The following TM2D1 variants were observed in gnomAD, a reference collection of about 807,000 sequenced individuals.
TM2D1 encodes TM2 domain containing 1, also known as TM2 domain-containing protein 1.
A neutral mutation model predicts 28.4 loss-of-function variants in TM2D1; 15 were observed. The ratio of observed to expected loss-of-function variants is 0.53; its 90% CI spans 0.35 to 0.81. The LOEUF (loss-of-function observed/expected upper bound fraction) is 0.81. Among genes scored for constraint, TM2D1 ranks in the 40% least tolerant of loss-of-function variants. TM2D1 has a pLI of 0.01. For synonymous variants in TM2D1, 93 were observed against 96.2 expected, an observed-to-expected ratio of 0.97 and a Z score of 0.20; for missense variants, 236 against 254.9, an observed-to-expected ratio of 0.93 and a Z score of 0.50.
intron 5 of TM2D1, among the ~76,000 whole-genome samples, chr1:61,686,108 T>C (rs1644283642): frequency 6.6e-6 from 1 of 152,210 alleles, no homozygotes; most frequent in Non-Finnish European, 1.5e-5. Context: ...TAGAATCAAA[T>C]AATTTATTCC....
At chr1:61,686,943 C>A (rs1468761477) in intron 5 of TM2D1, 1 of 984,096 alleles carries the variant, frequency 1.0e-6, no homozygotes, top group Non-Finnish European at 1.2e-6. Flanking sequence ...AAGTAAATTA[C>A]CCCAATACTG....
chr1:61,686,891 C>A (rs1644289403), intron 5 of TM2D1: 5 of 954,426 alleles, frequency 5.2e-6, no homozygotes, highest in Non-Finnish European at 6.2e-6. Context: ...CCACTGCACT[C>A]CAGCCTGGGC....
chr1:61,713,757 G>C (rs1474449177), intron 2 of TM2D1, among the ~76,000 whole-genome samples: 1 of 152,080 alleles, frequency 6.6e-6, no homozygotes, highest in East Asian at 1.9e-4. Context: ...TAAAGAGACA[G>C]TTGCAATACA....
At chr1:61,720,491 C>T (rs1490582517) in intron 2 of TM2D1, among the ~76,000 whole-genome samples, 1 of 152,140 alleles carries the variant, frequency 6.6e-6, no homozygotes, top group South Asian at 2.1e-4. Flanking sequence ...ATCCGCACAC[C>T]TCAGCCTCCC....
At chr1:61,709,746 C>T (rs906102236) in intron 2 of TM2D1, among the ~76,000 whole-genome samples, 8 of 152,150 alleles carry the variant, frequency 5.3e-5, no homozygotes, top group African/African-American at 1.9e-4. Context: ...AACATTACTG[C>T]CCTTTACTTC....
At position 61,694,137 on chromosome 1, in the gene TM2D1, C is replaced by CT. The variant is rs548617147; in HGVS notation, c.513+559dup. 153 of 149,520 alleles carry CT rather than the reference C, an allele frequency of 1.0e-3. 3 individuals carry two copies. The highest frequency in any genetic ancestry group is 8.8e-3 in the East Asian group (45 of 5,112). The allele number at this position is 149,520 out of a possible 1,614,324, so 9.3% of individuals were successfully genotyped here. On this transcript the variant is annotated intron_variant, in intron 5 of 6. Transcript: ENST00000606498. ...ATTCTCAGATTTTCTAAAGAACGCC[C>CT]TTTTTTTTTTCTTTTTAGCTTAAGC...
chr1:61,684,646 G>A (rs535700091), intron 5 of TM2D1, among the ~76,000 whole-genome samples: 1 of 146,368 alleles, frequency 6.8e-6, no homozygotes, highest in South Asian at 2.3e-4. Flanking sequence ...TTTGCAACAT[G>A]TTTATGCTGT....
intron 2 of TM2D1, among the ~76,000 whole-genome samples, chr1:61,715,504 C>T (rs1644509868): frequency 6.6e-6 from 1 of 151,210 alleles, no homozygotes; most frequent in South Asian, 2.1e-4. Context: ...ACAAATTAGC[C>T]AGGCATGGTG....
intron 5 of TM2D1, 83 bp from the exon 6 acceptor site, chr1:61,683,629 A>T (rs1644263474): frequency 2.8e-6 from 2 of 722,744 alleles, no homozygotes; most frequent in Admixed American, 3.8e-5. Flanking sequence ...GTTGTTAATA[A>T]AAGTATTTCA....
intron 3 of TM2D1, 29 bp downstream of exon 3, chr1:61,709,300 G>GA (rs773651431): frequency 1.4e-6 from 2 of 1,389,112 alleles, no homozygotes; most frequent in South Asian, 2.4e-5. Flanking sequence ...CAAGTAATCT[G>GA]AAAATTTAAG....
chr1:61,696,403 G>A (rs1644362931), intron 4 of TM2D1, among the ~76,000 whole-genome samples: 1 of 152,080 alleles, frequency 6.6e-6, no homozygotes. Flanking sequence ...TCCAGGCATG[G>A]TGGCATACGC....
chr1:61,700,908 A>T, intron 4 of TM2D1, 26 bp downstream of exon 4: 2 of 1,481,184 alleles, frequency 1.4e-6, no homozygotes, highest in East Asian at 2.4e-5. Flanking sequence ...TTTCATAAGG[A>T]TTTTTTTTTA....
intron 3 of TM2D1, among the ~76,000 whole-genome samples, chr1:61,705,548 G>C (rs1385085992): frequency 2.0e-5 from 3 of 152,104 alleles, no homozygotes; most frequent in Non-Finnish European, 4.4e-5. Flanking sequence ...TTGCAGTTAA[G>C]TGCAGCCATA....
At position 61,709,571 on chromosome 1, in the gene TM2D1, T is replaced by C; in HGVS notation, c.239-134A>G. ...CATGACACAAGCCTTTAATTTTAGGTGGGAAAAGTGACACTACGTATGTAC... is the reference window on the plus strand; with the variant it reads ...CATGACACAAGCCTTTAATTTTAGGCGGGAAAAGTGACACTACGTATGTAC... On this transcript the variant is annotated intron_variant, in intron 2 of 6. Transcript: ENST00000606498. The C allele has an allele frequency of 9.5e-6, 6 of 633,256 alleles. No homozygotes were observed. The South Asian group carries it at 1.1e-4, about 11-fold the overall frequency. 39.2% of individuals were successfully genotyped at this position (633,256 alleles called of 1,614,324 possible).
chr1:61,688,462 C>T (rs1484730222), intron 5 of TM2D1, among the ~76,000 whole-genome samples: 8 of 152,260 alleles, frequency 5.3e-5, no homozygotes, highest in African/African-American at 1.2e-4. Context: ...CGGTGGCTCA[C>T]GCCTGTAATC....
At chr1:61,717,367 C>CAA (rs767043287) in intron 2 of TM2D1, among the ~76,000 whole-genome samples, 1 of 121,746 alleles carries the variant, frequency 8.2e-6, no homozygotes, top group Admixed American at 8.4e-5. Context: ...GACTCCGCCT[C>CAA]AAAAAAAAAA....
At chr1:61,681,726 CCTT>C (rs1339388773) in intron 6 of TM2D1, among the ~76,000 whole-genome samples, 2 of 152,174 alleles carry the variant, frequency 1.3e-5, no homozygotes, top group Non-Finnish European at 2.9e-5. Flanking sequence ...ACTACACAAT[CCTT>C]CTCATAAAAT....
At chr1:61,721,618 A>G (rs1327423832) in intron 2 of TM2D1, among the ~76,000 whole-genome samples, 2 of 152,002 alleles carry the variant, frequency 1.3e-5, no homozygotes, top group Non-Finnish European at 2.9e-5. Context: ...TCATATACTC[A>G]GTGAAAAAAA....
At position 61,681,260 on chromosome 1, in the gene TM2D1, C is replaced by T. The variant is rs1644241773; in HGVS notation, c.*110G>A. ...AAAACAAAAACCACAAAAAATTATA[C>T]AGAACTCATAAAATGGTATATGAAT... On this transcript the variant is annotated 3_prime_UTR_variant, in exon 7 of 7. Transcript: ENST00000606498. The T allele has an allele frequency of 6.6e-6, 1 of 152,436 alleles. No homozygotes were observed. The highest frequency in any genetic ancestry group is 1.5e-5 in the Non-Finnish European group (1 of 67,998). 9.4% of individuals were successfully genotyped at this position (152,436 alleles called of 1,614,324 possible).
Sources: allele counts gnomAD v4.1 joint callset (sites outside exome capture counted in the v4.1 genomes callset), GRCh38; gene constraint gnomAD v4.1.1; transcripts MANE v1.5; gene names NCBI Gene and HGNC (gene_info 2026-07-23, HGNC 2026-07-21).